BAZ2B: variants seen among roughly 807,000 people sequenced by gnomAD.
BAZ2B encodes bromodomain adjacent to zinc finger domain protein 2B.
Under a neutral mutation model 246.0 loss-of-function variants are expected in BAZ2B, and 91 were observed. The ratio of observed to expected loss-of-function variants is 0.37; its 90% CI spans 0.31 to 0.44. BAZ2B has a LOEUF of 0.44. Ranked by LOEUF, BAZ2B falls within the 20% of genes least tolerant of loss-of-function variation. BAZ2B has a pLI of 1.00. For synonymous variants in BAZ2B, 855 were observed against 860.0 expected, an observed-to-expected ratio of 0.99 and a Z score of 0.10; for missense variants, 2,332 against 2,533.7, an observed-to-expected ratio of 0.92 and a Z score of 1.71.
chr2:159,604,283 T>A (rs1692871282), intron 1 of BAZ2B, among the ~76,000 whole-genome samples: 1 of 152,254 alleles, frequency 6.6e-6, no homozygotes. Context: ...TATTTTATTT[T>A]ATTTTTAGAG....
chr2:159,514,129 T>C lies in BAZ2B; in HGVS notation c.-2-35408A>G, dbSNP rs563027455. On this transcript the variant is annotated intron_variant, in intron 2 of 36. Coordinates refer to ENST00000392783, the MANE Select transcript of BAZ2B (RefSeq NM_013450.4). ...ATCCTGCTCCTTTTTCTTTACTTCA[T>C]AACATTTGTCATCTTCTAAAATGCT... Among the ~76,000 whole-genome samples, 3 of 152,310 alleles carry C rather than the reference T, an allele frequency of 2.0e-5. No homozygotes were observed. The South Asian group carries it at 6.2e-4, about 32-fold the overall frequency.
At chr2:159,361,932 A>G (rs909464949) in intron 27 of BAZ2B, among the ~76,000 whole-genome samples, 6 of 148,392 alleles carry the variant, frequency 4.0e-5, no homozygotes, top group African/African-American at 1.5e-4. Flanking sequence ...AGGGAGGGGA[A>G]CAACACACAC....
At chr2:159,685,490 T>C in the BAZ2B span, among the ~76,000 whole-genome samples, 1 of 152,066 alleles carries the variant, frequency 6.6e-6, no homozygotes, top group African/African-American at 2.4e-5. Context: ...CATTCTCTAA[T>C]AAAAGGAACA....
chr2:159,649,132 C>T, the BAZ2B span, among the ~76,000 whole-genome samples: 177 of 152,088 alleles, frequency 1.2e-3, no homozygotes, highest in East Asian at 0.031. Flanking sequence ...GGTGAAATGT[C>T]TGTTCAACTC....
intron 3 of BAZ2B, among the ~76,000 whole-genome samples, chr2:159,470,596 G>T (rs1052456668): frequency 6.6e-6 from 1 of 152,202 alleles, no homozygotes. Flanking sequence ...TGATATAGAC[G>T]AGAGATTTTA....
At chr2:159,580,058 G>A (rs1686359973) in intron 1 of BAZ2B, among the ~76,000 whole-genome samples, 1 of 152,204 alleles carries the variant, frequency 6.6e-6, no homozygotes. Context: ...AGTGTTGGAA[G>A]TTCTGGCCAG....
At chr2:159,603,584 C>G (rs546949635) in intron 1 of BAZ2B, among the ~76,000 whole-genome samples, 1 of 152,108 alleles carries the variant, frequency 6.6e-6, no homozygotes, top group South Asian at 2.1e-4. Flanking sequence ...ATCCTCTGCC[C>G]CTGTATCTTC....
intron 2 of BAZ2B, among the ~76,000 whole-genome samples, chr2:159,550,511 C>T (rs941109667): frequency 2.0e-5 from 3 of 152,016 alleles, no homozygotes; most frequent in Non-Finnish European, 4.4e-5. Context: ...AAAATTTAGC[C>T]AGATTACTAT....
intron 2 of BAZ2B, among the ~76,000 whole-genome samples, chr2:159,488,918 TAA>T (rs2080141922): frequency 1.3e-5 from 2 of 152,144 alleles, no homozygotes; most frequent in South Asian, 4.1e-4. Flanking sequence ...ACCATTAACC[TAA>T]AGAGTCACAA....
intron 33 of BAZ2B, 105 bp from the exon 34 acceptor site, chr2:159,332,791 T>C: frequency 7.8e-7 from 1 of 1,287,792 alleles, no homozygotes; most frequent in South Asian, 1.4e-5. Context: ...TAATGAACAT[T>C]CCGCTTGCTT....
intron 2 of BAZ2B, among the ~76,000 whole-genome samples, chr2:159,528,645 T>C (rs913924836): frequency 4.7e-5 from 7 of 150,154 alleles, no homozygotes; most frequent in Admixed American, 2.7e-4. Context: ...CTCGCGCCAC[T>C]GTACTCCAGC....
intron 2 of BAZ2B, among the ~76,000 whole-genome samples, chr2:159,542,226 C>T (rs776422771): frequency 6.6e-6 from 1 of 151,776 alleles, no homozygotes; most frequent in Non-Finnish European, 1.5e-5. Context: ...TATGGATATG[C>T]CAAAAGGAGA....
intron 2 of BAZ2B, among the ~76,000 whole-genome samples, chr2:159,495,615 TTATA>T (rs2081028548): frequency 6.6e-6 from 1 of 151,622 alleles, no homozygotes; most frequent in Non-Finnish European, 1.5e-5. Context: ...ATATAGGACA[TTATA>T]TAATTTTAAT....
chr2:159,347,448 T>G, intron 31 of BAZ2B, 38 bp downstream of exon 31: 1 of 1,586,590 alleles, frequency 6.3e-7, no homozygotes, highest in Non-Finnish European at 8.7e-7. Context: ...TTATCTTCCA[T>G]TATCCTAAAA....
At chr2:159,659,875 T>G in the BAZ2B span, among the ~76,000 whole-genome samples, 1 of 152,250 alleles carries the variant, frequency 6.6e-6, no homozygotes, top group Non-Finnish European at 1.5e-5. Flanking sequence ...TCATTAACTA[T>G]TTCCATTTAC....
the BAZ2B span, among the ~76,000 whole-genome samples, chr2:159,630,711 T>G: frequency 6.6e-6 from 1 of 152,104 alleles, no homozygotes; most frequent in East Asian, 1.9e-4. Context: ...TTTTTTTGTA[T>G]TTTTAGTAGA....
intron 34 of BAZ2B, among the ~76,000 whole-genome samples, chr2:159,326,178 T>C (rs1575615875): frequency 6.6e-6 from 1 of 152,224 alleles, no homozygotes; most frequent in Non-Finnish European, 1.5e-5. Flanking sequence ...GTAATTCATC[T>C]ACAGAAGGTG....
At position 159,578,915 on chromosome 2, in the gene BAZ2B, A is replaced by G. The variant is rs1450788721; in HGVS notation, c.-45-23050T>C. Among the ~76,000 whole-genome samples, 3 of 152,206 alleles carry G rather than the reference A, an allele frequency of 2.0e-5. 1 individual carries two copies. The highest frequency in any genetic ancestry group is 6.5e-5 in the Admixed American group (1 of 15,270). On this transcript the variant is annotated intron_variant, in intron 1 of 36. Coordinates refer to ENST00000392783, the MANE Select transcript of BAZ2B (RefSeq NM_013450.4). Reference sequence around the variant, plus strand: ...CAACATACCACCACCTCTGGGACACATTTAAAGCAGTGTGTAGAGGGAAAT... The same window carrying G: ...CAACATACCACCACCTCTGGGACACGTTTAAAGCAGTGTGTAGAGGGAAAT...
At chr2:159,655,224 A>C in the BAZ2B span, among the ~76,000 whole-genome samples, 1 of 152,062 alleles carries the variant, frequency 6.6e-6, no homozygotes, top group Non-Finnish European at 1.5e-5. Context: ...ACATGGCAAA[A>C]CCCTGTCTCT....
Sources: allele counts gnomAD v4.1 joint callset (sites outside exome capture counted in the v4.1 genomes callset), GRCh38; gene constraint gnomAD v4.1.1; transcripts MANE v1.5; gene names NCBI Gene and HGNC (gene_info 2026-07-23, HGNC 2026-07-21).